DIP2C: variants seen among roughly 807,000 people sequenced by gnomAD.
DIP2C encodes DIP2 acetate--CoA ligase C (putative).
In DIP2C, 33 loss-of-function variants were observed where a neutral mutation model predicts 192.4. The observed-to-expected ratio is 0.17, with a 90% CI of 0.13 to 0.23. The LOEUF is 0.23. Ranked by LOEUF, DIP2C falls within the 10% of genes least tolerant of loss-of-function variation. DIP2C has a pLI of 1.00. For missense variants in DIP2C, 1,537 were observed against 2,110.1 expected (o/e 0.73, Z 5.32); for synonymous variants, 979 against 864.1 (o/e 1.13, Z -2.33).
At chr10:364,999 T>C (rs1029768670) in intron 19 of DIP2C, 5 of 533,644 alleles carry the variant, frequency 9.4e-6, no homozygotes, top group East Asian at 5.4e-5. Flanking sequence ...CATAAAATGT[T>C]ATTTGCCCTT....
chr10:577,010 ATCCAG>A (rs1850204741), intron 1 of DIP2C, among the ~76,000 whole-genome samples: 1 of 152,318 alleles, frequency 6.6e-6, no homozygotes, highest in South Asian at 2.1e-4. Context: ...CTGGTAGTTG[ATCCAG>A]TTTTTTCTTA....
At chr10:306,005 TC>T (rs1264255534) in intron 32 of DIP2C, among the ~76,000 whole-genome samples, 1 of 148,546 alleles carries the variant, frequency 6.7e-6, no homozygotes, top group Non-Finnish European at 1.5e-5. Flanking sequence ...TATATTTTTT[TC>T]CTATCTAAAG....
At chr10:384,220 G>T (rs542040121) in intron 15 of DIP2C, 74 bp from the exon 16 acceptor site, 50 of 1,476,892 alleles carry the variant, frequency 3.4e-5, no homozygotes, top group South Asian at 3.2e-4. Context: ...AGAGATCATT[G>T]TGAGTAGTGG....
chr10:489,420 G>A (rs1844263725), intron 1 of DIP2C, among the ~76,000 whole-genome samples: 1 of 152,260 alleles, frequency 6.6e-6, no homozygotes, highest in African/African-American at 2.4e-5. Flanking sequence ...TGGACAGATG[G>A]CAGGTGGTGG....
intron 1 of DIP2C, among the ~76,000 whole-genome samples, chr10:495,977 G>A (rs765071821): frequency 1.5e-4 from 19 of 129,616 alleles, no homozygotes; most frequent in African/African-American, 2.4e-4. Flanking sequence ...TCCATTACTC[G>A]CAATACCTGA....
At chr10:688,553 C>A (rs1831414410) in intron 1 of DIP2C, among the ~76,000 whole-genome samples, 1 of 151,936 alleles carries the variant, frequency 6.6e-6, no homozygotes, top group Non-Finnish European at 1.5e-5. Flanking sequence ...ATGTGAGACG[C>A]GCCGGCCCAC....
At chr10:430,062 A>G (rs12268907) in intron 4 of DIP2C, among the ~76,000 whole-genome samples, 27,701 of 152,152 alleles carry the variant, frequency 0.18, 6,366 homozygotes, top group African/African-American at 0.54. Flanking sequence ...TGTTGCTAGC[A>G]TTCTGGATTC....
intron 1 of DIP2C, among the ~76,000 whole-genome samples, chr10:494,334 CAG>C (rs149423167): frequency 5.4e-4 from 82 of 152,288 alleles, no homozygotes; most frequent in African/African-American, 1.9e-3. Context: ...GTGTTCACAC[CAG>C]AGTCAGAGGC....
intron 1 of DIP2C, among the ~76,000 whole-genome samples, chr10:523,396 C>T (rs75365353): frequency 1.4e-3 from 182 of 132,404 alleles, no homozygotes; most frequent in African/African-American, 4.9e-3. Flanking sequence ...TCGTTTCTAC[C>T]GGATGCAAAG....
At chr10:362,966 G>A (rs1169219890) in intron 21 of DIP2C, among the ~76,000 whole-genome samples, 1 of 152,040 alleles carries the variant, frequency 6.6e-6, no homozygotes, top group Non-Finnish European at 1.5e-5. Flanking sequence ...AGCTTACTTC[G>A]ACCTCCCCAA....
chr10:571,629 CTG>C (rs1849821904), intron 1 of DIP2C, among the ~76,000 whole-genome samples: 3 of 152,140 alleles, frequency 2.0e-5, no homozygotes, highest in South Asian at 2.1e-4. Context: ...TTCTTTCACT[CTG>C]TTTTTATTGC....
intron 1 of DIP2C, among the ~76,000 whole-genome samples, chr10:661,635 C>T (rs1324261154): frequency 6.6e-6 from 1 of 152,184 alleles, no homozygotes; most frequent in Non-Finnish European, 1.5e-5. Context: ...TAAGCAGGGC[C>T]TTTTCTGGGT....
chr10:437,495 G>C (rs529392822), intron 4 of DIP2C: 3 of 152,346 alleles, frequency 2.0e-5, no homozygotes, highest in African/African-American at 7.2e-5. Flanking sequence ...TCTGAGCCAC[G>C]GTCTGCAGGT....
chr10:658,110 C>T (rs1260059172), intron 1 of DIP2C, among the ~76,000 whole-genome samples: 6 of 152,144 alleles, frequency 3.9e-5, no homozygotes, highest in South Asian at 2.1e-4. Context: ...TGTCCCTGGA[C>T]CTGCCCCTGG....
chr10:369,926 GCT>G, intron 17 of DIP2C: 5 of 1,306,152 alleles, frequency 3.8e-6, no homozygotes, highest in Non-Finnish European at 3.9e-6. Context: ...GCACAGACCA[GCT>G]CTCTCTCCCC....
chr10:632,299 G>A (rs1263637040), intron 1 of DIP2C, among the ~76,000 whole-genome samples: 3 of 152,264 alleles, frequency 2.0e-5, no homozygotes, highest in Non-Finnish European at 2.9e-5. Context: ...AGGTACAAGC[G>A]GCCAGCACTG....
intron 28 of DIP2C, among the ~76,000 whole-genome samples, chr10:343,721 C>A (rs2132578800): frequency 6.6e-6 from 1 of 152,304 alleles, no homozygotes; most frequent in East Asian, 1.9e-4. Context: ...CTCAGATCAG[C>A]AACTAGAGCA....
At chr10:362,291 G>A (rs1487710272) in intron 22 of DIP2C, among the ~76,000 whole-genome samples, 199 bp downstream of exon 22, 1 of 152,154 alleles carries the variant, frequency 6.6e-6, no homozygotes, top group African/African-American at 2.4e-5. Flanking sequence ...AGCCTACAGA[G>A]AATAAAAGCA....
At chr10:333,693 A>C (rs1007083738) in intron 29 of DIP2C, among the ~76,000 whole-genome samples, 4 of 152,252 alleles carry the variant, frequency 2.6e-5, no homozygotes, top group Non-Finnish European at 5.9e-5. Flanking sequence ...AGATCATGCC[A>C]AACAGTGGCT....
Sources: gnomAD v4.1 joint callset for allele counts (sites outside exome capture counted in the v4.1 genomes callset) on GRCh38, gnomAD v4.1.1 for gene constraint, MANE v1.5 for transcripts, NCBI Gene and HGNC (gene_info 2026-07-23, HGNC 2026-07-21) for gene names.